Variants in RANBP2 observed in about 807,000 individuals in gnomAD.
RANBP2 encodes the protein RAN binding protein 2.
RANBP2 carries 57 observed loss-of-function variants against 303.6 expected under a neutral mutation model. That is an observed-to-expected ratio of 0.19 (90% CI 0.15 to 0.23). The LOEUF is 0.23. RANBP2 is among the 10% of genes least tolerant of loss of function. The probability of loss-of-function intolerance (pLI) is 1.00; values close to 1 mark genes in which losing one functional copy is unlikely to be tolerated. For synonymous variants in RANBP2, 1,167 were observed against 1,301.5 expected (o/e 0.90, Z 2.23); for missense variants, 3,138 against 3,780.8 (o/e 0.83, Z 4.46).
rs757125484 is a variant in RANBP2, at chr2:108,782,322, C to T, written c.8955C>T (p.His2985=). Residue 2985 remains histidine (H), a synonymous_variant, in exon 27 of 29, where the codon CAC becomes CAT. Coordinates refer to ENST00000283195, the MANE Select transcript of RANBP2 (RefSeq NM_006267.5). ...RDQVFKVCAN[H]VITKTMELKP... is the part of the protein sequence containing the mutation. ...AGGTTTTTAAAGTGTGTGCAAACCA[C>T]GTTATTACTAAAACAATGGAATTAA... The T allele has an allele frequency of 1.2e-6, 2 of 1,614,094 alleles. No individual in the cohort carries two copies. Among genetic ancestry groups the T allele is most frequent in the South Asian group, 1.1e-5 (1 of 91,088 alleles).
chr2:108,826,270 C>A, the RANBP2 span, among the ~76,000 whole-genome samples: 1 of 151,972 alleles, frequency 6.6e-6, no homozygotes, highest in Non-Finnish European at 1.5e-5. Flanking sequence ...TTATAAAGTC[C>A]AATTTATGCT....
At chr2:109,092,710 T>TTC in the RANBP2 span, among the ~76,000 whole-genome samples, 1 of 152,172 alleles carries the variant, frequency 6.6e-6, no homozygotes, top group Non-Finnish European at 1.5e-5. Flanking sequence ...CCAGCCAAGT[T>TTC]TCTGGTTTCT....
chr2:108,747,056 T>A (rs1696572299), intron 8 of RANBP2, among the ~76,000 whole-genome samples: 1 of 152,200 alleles, frequency 6.6e-6, no homozygotes, highest in Admixed American at 6.5e-5. Flanking sequence ...AGAGCCTCTA[T>A]CCTGAATATT....
the RANBP2 span, among the ~76,000 whole-genome samples, chr2:108,875,647 C>G: frequency 4.6e-5 from 7 of 152,250 alleles, no homozygotes; most frequent in South Asian, 1.2e-3. Context: ...CGCCTGAGCC[C>G]AGAAGTTCAA....
chr2:109,139,777 G>A, the RANBP2 span, among the ~76,000 whole-genome samples: 1 of 152,184 alleles, frequency 6.6e-6, no homozygotes, highest in Non-Finnish European at 1.5e-5. Flanking sequence ...ATTGAACAAT[G>A]GAGTTTAAGA....
the RANBP2 span, among the ~76,000 whole-genome samples, chr2:109,523,499 G>A: frequency 2.0e-5 from 3 of 152,176 alleles, no homozygotes; most frequent in East Asian, 1.9e-4. Flanking sequence ...AAGATGTGCC[G>A]TGATACACAC....
chr2:108,828,957 G>GAC, the RANBP2 span, among the ~76,000 whole-genome samples: 3 of 152,054 alleles, frequency 2.0e-5, no homozygotes, highest in South Asian at 6.2e-4. Context: ...CAGCCCAGGT[G>GAC]ACAGTGTGAG....
the RANBP2 span, chr2:109,564,093 G>GT: frequency 2.7e-5 from 9 of 338,732 alleles, no homozygotes; most frequent in Non-Finnish European, 4.7e-5. Flanking sequence ...AGTTACTCAT[G>GT]TCAGCATGAA....
chr2:109,646,844 G>T, the RANBP2 span, among the ~76,000 whole-genome samples: 174 of 151,974 alleles, frequency 1.1e-3, no homozygotes, highest in African/African-American at 3.5e-3. Flanking sequence ...TTGTTGGAAG[G>T]GTTTGCTTCC....
the RANBP2 span, among the ~76,000 whole-genome samples, chr2:109,334,847 C>T: frequency 6.6e-6 from 1 of 152,212 alleles, no homozygotes; most frequent in Non-Finnish European, 1.5e-5. Context: ...GTAGCACTTC[C>T]AGGACAGGTG....
At chr2:109,141,101 T>G in the RANBP2 span, among the ~76,000 whole-genome samples, 4 of 152,180 alleles carry the variant, frequency 2.6e-5, no homozygotes, top group African/African-American at 7.2e-5. Context: ...TTGGTGCTCA[T>G]TTTAGTCGAC....
At chr2:109,320,285 C>T in the RANBP2 span, among the ~76,000 whole-genome samples, 1 of 152,206 alleles carries the variant, frequency 6.6e-6, no homozygotes, top group African/African-American at 2.4e-5. Flanking sequence ...GGTTTCCTTC[C>T]TGTTCTCTGC....
the RANBP2 span, chr2:109,501,977 T>G: frequency 6.2e-6 from 2 of 321,176 alleles, no homozygotes; most frequent in South Asian, 5.6e-5. Flanking sequence ...TGGCTGTGGT[T>G]TGCAGCCATG....
chr2:108,720,085 G>A, intron 1 of RANBP2: 5 of 984,668 alleles, frequency 5.1e-6, no homozygotes, highest in Non-Finnish European at 6.0e-6. Context: ...TATATGCTGC[G>A]GCGGAGGTCG....
the RANBP2 span, among the ~76,000 whole-genome samples, chr2:109,413,333 C>T: frequency 2.0e-5 from 3 of 152,292 alleles, no homozygotes; most frequent in East Asian, 1.9e-4. Context: ...AGGCTGGTCT[C>T]GAACTCCTGA....
At chr2:108,826,901 C>G in the RANBP2 span, among the ~76,000 whole-genome samples, 2 of 152,134 alleles carry the variant, frequency 1.3e-5, no homozygotes, top group Non-Finnish European at 2.9e-5. Context: ...TTATTTAGAT[C>G]TTTTTAATTT....
chr2:108,815,083 T>C, the RANBP2 span, among the ~76,000 whole-genome samples: 2 of 152,206 alleles, frequency 1.3e-5, no homozygotes, highest in African/African-American at 2.4e-5. Flanking sequence ...TACTTTGTTA[T>C]TTTACTTTTC....
chr2:108,881,137 T>C, the RANBP2 span, among the ~76,000 whole-genome samples: 1 of 152,238 alleles, frequency 6.6e-6, no homozygotes, highest in Non-Finnish European at 1.5e-5. Flanking sequence ...TTCATCTACA[T>C]TGAAAATCTG....
chr2:109,190,412 G>A, the RANBP2 span, among the ~76,000 whole-genome samples: 65 of 152,326 alleles, frequency 4.3e-4, no homozygotes, highest in African/African-American at 1.5e-3. Flanking sequence ...GACCTCAGGC[G>A]ATCCACCCGC....
Sources: allele counts gnomAD v4.1 joint callset (sites outside exome capture counted in the v4.1 genomes callset), GRCh38; gene constraint gnomAD v4.1.1; transcripts MANE v1.5; gene names NCBI Gene and HGNC (gene_info 2026-07-23, HGNC 2026-07-21).